Variants in LMNTD1 observed in about 807,000 individuals in gnomAD.
LMNTD1 encodes the protein lamin tail domain-containing protein 1.
A neutral mutation model predicts 50.9 loss-of-function variants in LMNTD1; 35 were observed. The observed-to-expected ratio is 0.69, with a 90% CI of 0.53 to 0.91. The LOEUF (loss-of-function observed/expected upper bound fraction) is 0.91, where lower values mean the gene tolerates loss of function less well. Among genes scored for constraint, LMNTD1 ranks in the 40% least tolerant of loss-of-function variants. The pLI, the probability that LMNTD1 is intolerant of heterozygous loss-of-function variation, is 0.00. For missense variants in LMNTD1, 470 were observed against 475.5 expected (o/e 0.99, Z 0.11); for synonymous variants, 153 against 161.9 (o/e 0.94, Z 0.42).
In LMNTD1 at chr12:25,626,957, G is replaced by T. The variant is rs539746312; in HGVS notation, c.58+21537C>A. Among the ~76,000 whole-genome samples the T allele has an allele frequency of 7.2e-5, 11 of 152,304 alleles. 1 individual carries two copies. The East Asian group carries it at 2.1e-3, about 29-fold the overall frequency. On this transcript the variant is annotated intron_variant, in intron 1 of 7. Coordinates refer to the LMNTD1 transcript ENST00000445693. ...GTAAGGAAATGTTTGATGCACTCTT[G>T]CACTGTTTTTATAGAATAGTAGTAA...
chr12:25,569,593 A>T (rs1944701672), intron 1 of LMNTD1, among the ~76,000 whole-genome samples: 1 of 152,188 alleles, frequency 6.6e-6, no homozygotes, highest in Non-Finnish European at 1.5e-5. Flanking sequence ...CTAGTGCAAG[A>T]CGTGGGGCCT....
chr12:25,612,242 A>G (rs1440007605), intron 1 of LMNTD1, among the ~76,000 whole-genome samples: 1 of 151,926 alleles, frequency 6.6e-6, no homozygotes, highest in Non-Finnish European at 1.5e-5. Context: ...GGAAAAAAGT[A>G]TATCATTTCC....
Position 25,611,015 on chromosome 12 carries a change from T to C in LMNTD1, c.58+37479A>G, listed in dbSNP as rs145361670. Among the ~76,000 whole-genome samples the C allele has an allele frequency of 1.1e-4, 17 of 152,222 alleles. No individual in the cohort carries two copies. In the East Asian group the frequency reaches 2.3e-3, roughly 21 times the overall value. The stretch of plus-strand genomic sequence containing the variant: ...GCAGAGACCCCTTGAGTAACACCTA[T>C]TTCTAGGCGCACAGAGGAGTCAAAG... On this transcript the variant is annotated intron_variant, in intron 1 of 7. Transcript: ENST00000445693.
intron 9 of LMNTD1, among the ~76,000 whole-genome samples, chr12:25,483,341 T>A (rs1427409057): frequency 6.6e-6 from 1 of 151,140 alleles, no homozygotes; most frequent in Non-Finnish European, 1.5e-5. Flanking sequence ...GGAGGATTGC[T>A]TGAGTTCAGG....
intron 4 of LMNTD1, among the ~76,000 whole-genome samples, chr12:25,541,997 A>C (rs1484449686): frequency 6.6e-6 from 1 of 152,158 alleles, no homozygotes; most frequent in Non-Finnish European, 1.5e-5. Context: ...GCCATCAGAG[A>C]CCTGCAAATC....
chr12:25,554,653 G>C (rs1300254515), upstream of LMNTD1, among the ~76,000 whole-genome samples: 1 of 152,164 alleles, frequency 6.6e-6, no homozygotes, highest in South Asian at 2.1e-4. Flanking sequence ...AGTGGCATTT[G>C]GTAGACAGAA....
At chr12:25,518,759 G>A (rs747946717) in intron 8 of LMNTD1, 36 bp downstream of exon 8, 20 of 1,593,678 alleles carry the variant, frequency 1.3e-5, no homozygotes, top group Admixed American at 5.0e-5. Context: ...GCACACACAC[G>A]CACTCTCCAC....
chr12:25,633,261 A>G (rs2136602830), intron 1 of LMNTD1, among the ~76,000 whole-genome samples: 1 of 152,292 alleles, frequency 6.6e-6, no homozygotes, highest in South Asian at 2.1e-4. Context: ...AGCACTAGAT[A>G]GATCATCAAG....
intron 4 of LMNTD1, among the ~76,000 whole-genome samples, chr12:25,535,125 C>A (rs1189683611): frequency 2.6e-5 from 4 of 152,134 alleles, no homozygotes; most frequent in Non-Finnish European, 5.9e-5. Flanking sequence ...ATCCTTATAA[C>A]TGTATTTGTA....
At chr12:25,520,526 G>C (rs926880100) in intron 6 of LMNTD1, among the ~76,000 whole-genome samples, 1 of 152,062 alleles carries the variant, frequency 6.6e-6, no homozygotes, top group Non-Finnish European at 1.5e-5. Flanking sequence ...ATGTCCTCCA[G>C]GTACCTCCAT....
intron 9 of LMNTD1, among the ~76,000 whole-genome samples, chr12:25,489,339 T>G (rs1342860748): frequency 6.6e-6 from 1 of 150,526 alleles, no homozygotes; most frequent in African/African-American, 2.4e-5. Context: ...GGTGCGCCGT[T>G]TTTTAAGCCG....
intron 1 of LMNTD1, among the ~76,000 whole-genome samples, chr12:25,591,475 A>G (rs185692375): frequency 8.9e-4 from 135 of 152,236 alleles, no homozygotes; most frequent in Non-Finnish European, 6.8e-4. Context: ...TTTGAGTGCC[A>G]TCTCAGCTGC....
At chr12:25,501,641 T>C (rs909320819) in intron 9 of LMNTD1, among the ~76,000 whole-genome samples, 1 of 152,196 alleles carries the variant, frequency 6.6e-6, no homozygotes, top group Non-Finnish European at 1.5e-5. Flanking sequence ...GTTCTTTAGC[T>C]ATAAACTGGA....
At chr12:25,591,787 C>T (rs1423397391) in intron 1 of LMNTD1, among the ~76,000 whole-genome samples, 1 of 139,938 alleles carries the variant, frequency 7.1e-6, no homozygotes, top group Non-Finnish European at 1.5e-5. Context: ...TGTCACACAA[C>T]CTCCAGCTCC....
intron 9 of LMNTD1, among the ~76,000 whole-genome samples, chr12:25,481,864 TTCAC>T (rs1366900200): frequency 2.4e-5 from 2 of 82,444 alleles, no homozygotes; most frequent in African/African-American, 4.5e-5. Context: ...ATATTGCCTC[TTCAC>T]ACACACACAC....
chr12:25,617,667 AATG>A (rs1445113431), intron 1 of LMNTD1, among the ~76,000 whole-genome samples: 1 of 152,214 alleles, frequency 6.6e-6, no homozygotes. Flanking sequence ...AACATAATAA[AATG>A]ATCTTCTTTC....
chr12:25,622,160 G>A (rs1042426616), intron 1 of LMNTD1, among the ~76,000 whole-genome samples: 1 of 152,246 alleles, frequency 6.6e-6, no homozygotes, highest in Non-Finnish European at 1.5e-5. Context: ...AGGCTGCAGA[G>A]GAACAAGCTT....
intron 2 of LMNTD1, among the ~76,000 whole-genome samples, chr12:25,551,730 G>T (rs1943756253): frequency 6.6e-6 from 1 of 152,154 alleles, no homozygotes; most frequent in Non-Finnish European, 1.5e-5. Flanking sequence ...ATCTTTGAAA[G>T]AGCTGAGACA....
At chr12:25,574,004 C>T (rs927975571) in intron 1 of LMNTD1, among the ~76,000 whole-genome samples, 2 of 152,166 alleles carry the variant, frequency 1.3e-5, no homozygotes, top group Non-Finnish European at 2.9e-5. Flanking sequence ...CCTCTCCCCT[C>T]AAGCCTTTTC....
Sources: gnomAD v4.1 joint callset for allele counts (sites outside exome capture counted in the v4.1 genomes callset) on GRCh38, gnomAD v4.1.1 for gene constraint, MANE v1.5 for transcripts, NCBI Gene and HGNC (gene_info 2026-07-23, HGNC 2026-07-21) for gene names.